Variants in NRG1 observed in about 807,000 individuals in gnomAD.
The protein encoded by NRG1 is neuregulin 1, also known as pro-neuregulin-1, membrane-bound isoform.
In NRG1, 18 loss-of-function variants were observed where a neutral mutation model predicts 63.8. The ratio of observed to expected loss-of-function variants is 0.28; its 90% confidence interval spans 0.19 to 0.42. NRG1 has a LOEUF of 0.42. Ranked by LOEUF, NRG1 falls within the 10% of genes least tolerant of loss-of-function variation. NRG1 has a pLI of 1.00. For missense variants in NRG1, 762 were observed against 814.7 expected, an observed-to-expected ratio of 0.94 and a Z score of 0.79; for synonymous variants, 302 against 301.3, an observed-to-expected ratio of 1.00 and a Z score of -0.02.
intron 1 of NRG1, among the ~76,000 whole-genome samples, chr8:32,052,271 G>GTTT (rs5890615): frequency 1.1e-5 from 1 of 91,406 alleles, no homozygotes; most frequent in African/African-American, 3.9e-5. Context: ...CTTTCCTCCT[G>GTTT]TTTTTTTTTT....
intron 1 of NRG1, among the ~76,000 whole-genome samples, chr8:31,918,630 C>T (rs987523305): frequency 2.6e-5 from 4 of 152,036 alleles, no homozygotes; most frequent in African/African-American, 9.7e-5. Flanking sequence ...ATTTTTGCAT[C>T]AATGTTCATC....
At chr8:31,739,951 A>T (rs1014492847) in intron 1 of NRG1, among the ~76,000 whole-genome samples, 1 of 152,086 alleles carries the variant, frequency 6.6e-6, no homozygotes, top group East Asian at 1.9e-4. Context: ...CTACCCTCTG[A>T]GAGAGTCTGT....
At chr8:31,928,864 A>G (rs1162382461) in intron 1 of NRG1, among the ~76,000 whole-genome samples, 1 of 152,172 alleles carries the variant, frequency 6.6e-6, no homozygotes, top group Non-Finnish European at 1.5e-5. Flanking sequence ...TTGGAGACTA[A>G]GAAGCGGGGA....
At chr8:32,528,039 A>G (rs1180688200) in intron 1 of NRG1, among the ~76,000 whole-genome samples, 1 of 152,096 alleles carries the variant, frequency 6.6e-6, no homozygotes, top group Non-Finnish European at 1.5e-5. Flanking sequence ...CAGGATGTTT[A>G]TATTTGCAGT....
chr8:32,373,433 A>G (rs1809189414), intron 1 of NRG1, among the ~76,000 whole-genome samples: 1 of 152,106 alleles, frequency 6.6e-6, no homozygotes, highest in South Asian at 2.1e-4. Flanking sequence ...AGACTCAAAA[A>G]TAATTTTTTT....
chr8:32,447,431 T>A (rs1296959369), intron 1 of NRG1, among the ~76,000 whole-genome samples: 1 of 152,128 alleles, frequency 6.6e-6, no homozygotes, highest in Non-Finnish European at 1.5e-5. Context: ...ATGAAGCTAA[T>A]CACTGTGGGA....
chr8:32,698,276 G>T (rs1287026367), intron 5 of NRG1, among the ~76,000 whole-genome samples: 1 of 152,036 alleles, frequency 6.6e-6, no homozygotes, highest in Non-Finnish European at 1.5e-5. Context: ...GATAAGGAGA[G>T]AATTGCCTCT....
chr8:31,837,970 A>G (rs551748428), intron 1 of NRG1, among the ~76,000 whole-genome samples: 62 of 152,004 alleles, frequency 4.1e-4, no homozygotes, highest in African/African-American at 1.3e-3. Context: ...CTATATACTG[A>G]TTTCCTTTCC....
At chr8:31,918,909 C>T (rs1447701191) in intron 1 of NRG1, among the ~76,000 whole-genome samples, 3 of 152,114 alleles carry the variant, frequency 2.0e-5, no homozygotes, top group Non-Finnish European at 4.4e-5. Context: ...AGAGATTCAA[C>T]TTCCTCCTGG....
At chr8:32,452,476 C>T (rs1821082011) in intron 1 of NRG1, among the ~76,000 whole-genome samples, 1 of 151,980 alleles carries the variant, frequency 6.6e-6, no homozygotes, top group South Asian at 2.1e-4. Context: ...AATTTCTTGG[C>T]CAAAGGATAG....
intron 1 of NRG1, among the ~76,000 whole-genome samples, chr8:32,116,971 C>T (rs1362400496): frequency 3.2e-5 from 1 of 31,548 alleles, no homozygotes; most frequent in Non-Finnish European, 8.1e-5. Flanking sequence ...CCTGTCTCTA[C>T]AAAAAAAAAA....
At chr8:32,236,797 T>G (rs1373189755) in intron 1 of NRG1, among the ~76,000 whole-genome samples, 1 of 152,170 alleles carries the variant, frequency 6.6e-6, no homozygotes, top group Non-Finnish European at 1.5e-5. Flanking sequence ...CCTGAAGGAT[T>G]ACTTTGGCTG....
At chr8:31,995,146 A>G (rs1309567070) in intron 1 of NRG1, among the ~76,000 whole-genome samples, 1 of 151,962 alleles carries the variant, frequency 6.6e-6, no homozygotes, top group Non-Finnish European at 1.5e-5. Flanking sequence ...CAGAGTTACA[A>G]TTTAACATTT....
At chr8:32,448,866 T>G (rs1186437455) in intron 1 of NRG1, among the ~76,000 whole-genome samples, 1 of 152,174 alleles carries the variant, frequency 6.6e-6, no homozygotes, top group African/African-American at 2.4e-5. Flanking sequence ...CATCATCATG[T>G]TGAATTATCT....
At chr8:32,141,239 G>T (rs1181134635) in intron 1 of NRG1, among the ~76,000 whole-genome samples, 1 of 151,878 alleles carries the variant, frequency 6.6e-6, no homozygotes, top group Non-Finnish European at 1.5e-5. Flanking sequence ...GTGGTACCAG[G>T]GCAGCAACAA....
At chr8:32,647,392 T>C in intron 5 of NRG1, 1 of 985,344 alleles carries the variant, frequency 1.0e-6, no homozygotes, top group Non-Finnish European at 1.2e-6. Flanking sequence ...TTTACTTAAT[T>C]AATCAGCCGG....
intron 6 of NRG1, among the ~76,000 whole-genome samples, chr8:32,740,705 G>T (rs146898596): frequency 1.3e-5 from 2 of 152,134 alleles, no homozygotes; most frequent in African/African-American, 2.4e-5. Context: ...ATTTTATCGC[G>T]CAGGCTATTT....
intron 1 of NRG1, among the ~76,000 whole-genome samples, chr8:31,769,332 G>A (rs374246378): frequency 2.6e-5 from 4 of 152,198 alleles, no homozygotes; most frequent in East Asian, 3.9e-4. Flanking sequence ...CTCATTCATC[G>A]TTTTGTGAAC....
At chr8:31,954,199 A>G (rs1359844125) in intron 1 of NRG1, among the ~76,000 whole-genome samples, 1 of 152,116 alleles carries the variant, frequency 6.6e-6, no homozygotes, top group Non-Finnish European at 1.5e-5. Context: ...GCTGGAACAG[A>G]CCTAGCCCTA....
Sources: allele counts gnomAD v4.1 joint callset (sites outside exome capture counted in the v4.1 genomes callset), GRCh38; gene constraint gnomAD v4.1.1; transcripts MANE v1.5; gene names NCBI Gene and HGNC (gene_info 2026-07-23, HGNC 2026-07-21).